The following SLC4A2 variants were observed in gnomAD, a reference collection of about 807,000 sequenced individuals.
SLC4A2 encodes solute carrier family 4 member 2, also known as anion exchange protein 2.
SLC4A2 carries 36 observed loss-of-function variants against 115.0 expected under a neutral mutation model. The observed-to-expected ratio is 0.31, with a 90% confidence interval of 0.24 to 0.41. The LOEUF (loss-of-function observed/expected upper bound fraction) is 0.41. Among genes scored for constraint, SLC4A2 ranks in the 10% least tolerant of loss-of-function variants. The probability of loss-of-function intolerance (pLI) is 1.00; values close to 1 mark genes in which losing one functional copy is unlikely to be tolerated. For missense variants in SLC4A2, 1,252 were observed against 1,705.6 expected (o/e 0.73, Z 4.68); for synonymous variants, 708 against 708.3 (o/e 1.00, Z 0.01).
intron 5 of SLC4A2, among the ~76,000 whole-genome samples, 174 bp from the exon 6 acceptor site, chr7:151,066,343 C>T (rs527912027): frequency 6.6e-6 from 1 of 152,362 alleles, no homozygotes; most frequent in East Asian, 1.9e-4. Context: ...GGTTCGGATG[C>T]TGGCAGTCTG....
chr7:151,058,933 G>A (rs1796964583), upstream of SLC4A2: 2 of 152,196 alleles, frequency 1.3e-5, 1 homozygote, highest in South Asian at 4.1e-4. Context: ...TAATTAACTC[G>A]TTTCTATCTG....
rs751379338 is a variant in SLC4A2 at position 151,070,504 on chromosome 7, G to A, written c.1497G>A (p.Lys499=). ...PAPPAGITRS[K]SKHELKLLEK... is the part of the protein sequence containing the mutation. Reference sequence around the variant, plus strand: ...CACCAGCTGGCATCACCCGCTCCAAGTCCAAGCACGAGCTGAAACTGCTGG... The same window carrying A: ...CACCAGCTGGCATCACCCGCTCCAAATCCAAGCACGAGCTGAAACTGCTGG... The change falls in exon 11 of 23, where the codon AAG becomes AAA. Residue 499 remains lysine, a synonymous_variant. Coordinates refer to ENST00000413384, the MANE Select transcript of SLC4A2 (RefSeq NM_003040.4). 1.4e-5 allele frequency: 22 copies of A among 1,613,680 alleles called. No homozygotes were observed. Among genetic ancestry groups the A allele is most frequent in the Non-Finnish European group, 1.8e-5 (21 of 1,179,914 alleles).
chr7:151,064,936 C>G lies in SLC4A2; in HGVS notation c.548C>G (p.Thr183Ser). The G allele has an allele frequency of 6.2e-7, 1 of 1,613,668 alleles. No homozygotes were observed. Among genetic ancestry groups the G allele is most frequent in the South Asian group, 1.1e-5 (1 of 91,070 alleles). Reference protein sequence around the residue: ...SPAPLPHQEATPRASKGAQAG... With the variant: ...SPAPLPHQEASPRASKGAQAG... ...GCACCACTGCCCCACCAGGAGGCGA[C>G]TCCTCGGGCCTCCAAAGGGGCCCAG... Residue 183 changes from threonine (T) to serine (S), a missense_variant, in exon 5 of 23, where the codon ACT becomes AGT. Transcript: ENST00000413384.
At chr7:151,063,752 G>A (rs775541236) in intron 2 of SLC4A2, among the ~76,000 whole-genome samples, 9 of 151,990 alleles carry the variant, frequency 5.9e-5, no homozygotes, top group South Asian at 2.1e-4. Flanking sequence ...GTTTTGAGAC[G>A]GAGTCTCACT....
rs1291908700 is a variant in SLC4A2, at chr7:151,076,444, C to G, written c.*77C>G. On this transcript the variant is annotated 3_prime_UTR_variant, in exon 23 of 23. Coordinates refer to ENST00000413384, the MANE Select transcript of SLC4A2 (RefSeq NM_003040.4). ...GGATGGGGTTCCCCCTCCCATGCCC[C>G]TCCCTCCTTTTTATTTAAGTGAATA... 1 of 1,134,570 alleles carries G rather than the reference C, an allele frequency of 8.8e-7. No homozygotes were observed. Among genetic ancestry groups the G allele is most frequent in the Non-Finnish European group, 1.2e-6 (1 of 825,958 alleles). The allele number at this position is 1,134,570 out of a possible 1,614,324, so 70.3% of individuals were successfully genotyped here.
Position 151,060,394 on chromosome 7 carries a change from A to G in SLC4A2, c.-64+632A>G, listed in dbSNP as rs1429646134. Among the ~76,000 whole-genome samples, 3 of 152,134 alleles carry G rather than the reference A, an allele frequency of 2.0e-5. No homozygotes were observed. Among genetic ancestry groups the G allele is most frequent in the African/African-American group, 4.8e-5 (2 of 41,448 alleles). On this transcript the variant is annotated intron_variant, in intron 1 of 22. Coordinates refer to ENST00000413384, the MANE Select transcript of SLC4A2 (RefSeq NM_003040.4). This position sits in a 1 kb window ranked among gnomAD's most constrained non-coding sequence, Gnocchi z 5.9. ...CCTTCGTTTCCCCCGCCAGCCCCAC[A>G]TGGAAGAGCTGCGGAATTTACGAGT... is the stretch of plus-strand genomic sequence containing the variant.
intron 2 of SLC4A2, chr7:151,062,567 A>C (rs1306327175): frequency 5.5e-6 from 8 of 1,451,864 alleles, no homozygotes; most frequent in African/African-American, 1.4e-5. Context: ...ACACTGGCCC[A>C]GAGGGGCACG....
upstream of SLC4A2, chr7:151,058,747 C>T (rs1397695629): frequency 6.6e-6 from 1 of 152,252 alleles, no homozygotes; most frequent in African/African-American, 2.4e-5. Flanking sequence ...GACCACAGAC[C>T]GATGCTCAAC....
chr7:151,072,049 C>G lies in SLC4A2; in HGVS notation c.2448C>G (p.Val816=). ...TGGCCCTGGAGGGGAGCTTCCTGGTCCGCTTCGTCTCCCGCTTCACCCAGG... is the reference window on the plus strand; with the variant it reads ...TGGCCCTGGAGGGGAGCTTCCTGGTGCGCTTCGTCTCCCGCTTCACCCAGG... The part of the protein sequence containing the change: ...LMVALEGSFL[V]RFVSRFTQEI... The change falls in exon 16 of 23, where the codon GTC becomes GTG. Residue 816 remains valine (V), a synonymous_variant. Transcript: ENST00000413384. 6.2e-7 allele frequency: 1 copy of G among 1,614,106 alleles called. No individual in the cohort carries two copies. The highest frequency in any genetic ancestry group is 1.6e-4 in the Middle Eastern group (1 of 6,062).
rs772578149 is a variant in SLC4A2, at chr7:151,075,319, C to T, written c.3112C>T (p.Leu1038Phe). Reference sequence around the variant, plus strand: ...CTCCGGCTTCCACCTGGACCTGCTGCTCATCGTGGCCATGGGCGGCATCTG... The same window carrying T: ...CTCCGGCTTCCACCTGGACCTGCTGTTCATCGTGGCCATGGGCGGCATCTG... The part of the protein sequence containing the change: ...KGSGFHLDLL[L>F]IVAMGGICAL... The change falls in exon 20 of 23, where the codon CTC (leucine) becomes TTC (phenylalanine). Residue 1038 changes from leucine to phenylalanine, a missense_variant. By Grantham distance (22) the Leu-to-Phe change is conservative (BLOSUM62 0). Coordinates refer to ENST00000413384, the MANE Select transcript of SLC4A2 (RefSeq NM_003040.4). The T allele has an allele frequency of 6.2e-7, 1 of 1,613,496 alleles. No homozygotes were observed. The highest frequency in any genetic ancestry group is 1.1e-5 in the South Asian group (1 of 91,088).
intron 5 of SLC4A2, among the ~76,000 whole-genome samples, chr7:151,065,178 G>A (rs898918216): frequency 7.9e-5 from 12 of 152,222 alleles, no homozygotes; most frequent in Non-Finnish European, 1.5e-4. Context: ...TTCTCACTGG[G>A]CGGCTGTAGG....
chr7:151,065,817 G>C (rs2150369492), intron 5 of SLC4A2, among the ~76,000 whole-genome samples: 2 of 152,320 alleles, frequency 1.3e-5, no homozygotes, highest in East Asian at 1.9e-4. Context: ...GGCTAGGAGA[G>C]CCTGGTCATG....
intron 2 of SLC4A2, chr7:151,063,180 G>A (rs1353566796): frequency 3.4e-6 from 3 of 875,876 alleles, no homozygotes; most frequent in African/African-American, 1.8e-5. Flanking sequence ...GCGCCCGCAG[G>A]ATGACTCAGG....
chr7:151,067,173 C>T (rs536283524), intron 7 of SLC4A2, among the ~76,000 whole-genome samples, 180 bp downstream of exon 7: 1 of 152,372 alleles, frequency 6.6e-6, no homozygotes, highest in Admixed American at 6.5e-5. Context: ...ACTGCAACCT[C>T]TGCCTCCTGG....
rs1797149442 is a variant in SLC4A2 at position 151,064,222 on chromosome 7, C to T, written c.72C>T (p.Gly24=). ...SFCTPEPESL[G]PGTPGFPEQE... ...CACAGCCAGAGCCAGAGAGCTTGGG[C>T]CCTGGGACGCCTGGGTTCCCCGAGC... is the stretch of plus-strand genomic sequence containing the variant. The change falls in exon 3 of 23, where the codon GGC becomes GGT. Residue 24 remains glycine (G), a synonymous_variant. Transcript: ENST00000413384. 1 of 1,612,418 alleles carries T rather than the reference C, an allele frequency of 6.2e-7. No individual in the cohort carries two copies. Among genetic ancestry groups the T allele is most frequent in the East Asian group, 2.2e-5 (1 of 44,884 alleles).
chr7:151,068,891 G>A (rs996469370), intron 8 of SLC4A2, among the ~76,000 whole-genome samples: 2 of 151,564 alleles, frequency 1.3e-5, no homozygotes, highest in South Asian at 4.2e-4. Flanking sequence ...TATAATCCCA[G>A]CACCTTGGGA....
intron 5 of SLC4A2, 43 bp downstream of exon 5, chr7:151,065,009 C>T: frequency 1.6e-6 from 2 of 1,286,180 alleles, no homozygotes; most frequent in Non-Finnish European, 2.3e-6. Flanking sequence ...AGACACTTCC[C>T]CTGCTAGGAT....
At chr7:151,075,131 G>A in intron 19 of SLC4A2, 124 bp from the exon 20 acceptor site, 1 of 1,330,836 alleles carries the variant, frequency 7.5e-7, no homozygotes, top group Admixed American at 1.9e-5. Flanking sequence ...AATCCTGACG[G>A]AATGGACAGG....
intron 2 of SLC4A2, chr7:151,062,422 C>T: frequency 2.3e-6 from 2 of 887,758 alleles, no homozygotes; most frequent in Non-Finnish European, 3.2e-6. Flanking sequence ...CGACTGGCCA[C>T]GCCCCCTGCC....
Sources: gnomAD v4.1 joint callset for allele counts (sites outside exome capture counted in the v4.1 genomes callset) on GRCh38, gnomAD v4.1.1 for gene constraint, Gnocchi (gnomAD v3.1) non-coding constraint, MANE v1.5 for transcripts, NCBI Gene and HGNC (gene_info 2026-07-23, HGNC 2026-07-21) for gene names.